Variants in NRCAM observed in about 807,000 individuals in gnomAD.
NRCAM encodes the protein NgCAM-related cell adhesion molecule.
NRCAM carries 83 observed loss-of-function variants against 156.5 expected under a neutral mutation model. That is an observed-to-expected ratio of 0.53 (90% CI 0.44 to 0.64). The LOEUF is 0.64. NRCAM is among the 30% of genes least tolerant of loss of function. The pLI, the probability that NRCAM is intolerant of heterozygous loss-of-function variation, is 0.00. For synonymous variants in NRCAM, 538 were observed against 563.9 expected (o/e 0.95, Z 0.65); for missense variants, 1,417 against 1,597.3 (o/e 0.89, Z 1.92).
intron 3 of NRCAM, among the ~76,000 whole-genome samples, chr7:108,257,695 A>C (rs1239765600): frequency 6.6e-6 from 1 of 152,328 alleles, no homozygotes; most frequent in South Asian, 2.1e-4. Flanking sequence ...TCTGCAAATC[A>C]ATTTCCTTAA....
intron 1 of NRCAM, among the ~76,000 whole-genome samples, chr7:108,411,905 C>CTGTTGATA (rs1795881324): frequency 6.6e-6 from 1 of 152,128 alleles, no homozygotes; most frequent in Admixed American, 6.6e-5. Context: ...TGACAGTCCA[C>CTGTTGATA]TGTTGATAGG....
At chr7:108,413,731 AT>A (rs1390893903) in intron 1 of NRCAM, among the ~76,000 whole-genome samples, 1 of 152,132 alleles carries the variant, frequency 6.6e-6, no homozygotes, top group African/African-American at 2.4e-5. Flanking sequence ...TTTATCAAAC[AT>A]TTATTATATT....
chr7:108,342,254 G>A (rs1324176745), intron 2 of NRCAM, among the ~76,000 whole-genome samples: 1 of 152,154 alleles, frequency 6.6e-6, no homozygotes, highest in Non-Finnish European at 1.5e-5. Flanking sequence ...TGCCACCTGT[G>A]GCTACAAGGT....
At chr7:108,222,906 G>A (rs1419827955) in intron 11 of NRCAM, among the ~76,000 whole-genome samples, 2 of 152,160 alleles carry the variant, frequency 1.3e-5, no homozygotes, top group Non-Finnish European at 2.9e-5. Context: ...CATCACAGTT[G>A]CTTTTGTATT....
chr7:108,176,027 A>G (rs1327249564), intron 27 of NRCAM, among the ~76,000 whole-genome samples: 2 of 152,134 alleles, frequency 1.3e-5, no homozygotes, highest in Non-Finnish European at 2.9e-5. Flanking sequence ...CGAATTACAT[A>G]TATTTGTGTG....
intron 2 of NRCAM, among the ~76,000 whole-genome samples, chr7:108,398,695 T>C (rs2099783753): frequency 6.6e-6 from 1 of 152,236 alleles, no homozygotes; most frequent in African/African-American, 2.4e-5. Flanking sequence ...GGAAGCCTGC[T>C]TTTACACACA....
At chr7:108,266,258 C>A (rs187248756) in intron 3 of NRCAM, among the ~76,000 whole-genome samples, 2 of 152,142 alleles carry the variant, frequency 1.3e-5, no homozygotes, top group African/African-American at 4.8e-5. Context: ...ATGGCCTCAA[C>A]CATTTTGAGT....
At chr7:108,398,912 T>C (rs969143446) in intron 2 of NRCAM, among the ~76,000 whole-genome samples, 1 of 152,192 alleles carries the variant, frequency 6.6e-6, no homozygotes, top group African/African-American at 2.4e-5. Flanking sequence ...AATGAAACTA[T>C]GGGGAAAAAT....
At chr7:108,425,440 T>A (rs1490591710) in intron 1 of NRCAM, among the ~76,000 whole-genome samples, 3 of 152,184 alleles carry the variant, frequency 2.0e-5, no homozygotes, top group Admixed American at 6.5e-5. Flanking sequence ...ATGATACATG[T>A]GCAGTATTTT....
chr7:108,167,465 T>A (rs6956581), intron 29 of NRCAM, among the ~76,000 whole-genome samples: 2,846 of 152,292 alleles, frequency 0.019, 105 homozygotes, highest in African/African-American at 0.065. Context: ...TGTTTTTTTA[T>A]GATTCACAAG....
intron 3 of NRCAM, among the ~76,000 whole-genome samples, chr7:108,266,676 C>T (rs1425020875): frequency 6.6e-6 from 1 of 152,194 alleles, no homozygotes; most frequent in African/African-American, 2.4e-5. Flanking sequence ...TTCCCTGTGA[C>T]TCACACCAGC....
chr7:108,451,656 C>T (rs1478240993), intron 1 of NRCAM, among the ~76,000 whole-genome samples: 1 of 152,156 alleles, frequency 6.6e-6, no homozygotes, highest in Non-Finnish European at 1.5e-5. Context: ...ATGGATCAAC[C>T]TTGAAGGCAC....
intron 1 of NRCAM, among the ~76,000 whole-genome samples, chr7:108,407,487 T>C (rs1596765027): frequency 6.6e-6 from 1 of 152,226 alleles, no homozygotes; most frequent in East Asian, 1.9e-4. Flanking sequence ...TCTAAGATTG[T>C]GATCAACTGA....
intron 11 of NRCAM, among the ~76,000 whole-genome samples, chr7:108,221,822 T>G (rs1289274514): frequency 6.6e-6 from 1 of 151,948 alleles, no homozygotes; most frequent in Non-Finnish European, 1.5e-5. Flanking sequence ...ACTAAATAAC[T>G]TACTCATGTA....
At chr7:108,177,470 A>C (rs2061055756) in intron 26 of NRCAM, among the ~76,000 whole-genome samples, 1 of 151,962 alleles carries the variant, frequency 6.6e-6, no homozygotes, top group African/African-American at 2.4e-5. Flanking sequence ...AAAAATACAA[A>C]AAATTTGCCG....
intron 8 of NRCAM, among the ~76,000 whole-genome samples, chr7:108,228,057 C>G (rs1306878250): frequency 2.0e-5 from 3 of 152,162 alleles, no homozygotes; most frequent in Non-Finnish European, 4.4e-5. Context: ...CTTGGTGGCT[C>G]ATGTCTGTAA....
At chr7:108,414,520 A>C (rs1252546905) in intron 1 of NRCAM, among the ~76,000 whole-genome samples, 1 of 152,204 alleles carries the variant, frequency 6.6e-6, no homozygotes, top group African/African-American at 2.4e-5. Flanking sequence ...GGCATAAAAG[A>C]AGTGAATCCT....
At chr7:108,416,705 T>C (rs572815268) in intron 1 of NRCAM, among the ~76,000 whole-genome samples, 2 of 152,338 alleles carry the variant, frequency 1.3e-5, no homozygotes, top group African/African-American at 2.4e-5. Context: ...GCATGGGACC[T>C]TCTCCAACAA....
At chr7:108,234,556 C>T in intron 6 of NRCAM, 27 bp downstream of exon 6, 1 of 1,301,908 alleles carries the variant, frequency 7.7e-7, no homozygotes, top group Non-Finnish European at 1.1e-6. Flanking sequence ...ATTCTCAGTA[C>T]TATAACAAAG....
Sources: allele counts gnomAD v4.1 joint callset (sites outside exome capture counted in the v4.1 genomes callset), GRCh38; gene constraint gnomAD v4.1.1; transcripts MANE v1.5; gene names NCBI Gene and HGNC (gene_info 2026-07-23, HGNC 2026-07-21).